Variants in ESR1 observed in about 807,000 individuals in gnomAD.
ESR1 encodes the protein estrogen receptor.
In ESR1, 12 loss-of-function variants were observed where a neutral mutation model predicts 52.7. The observed-to-expected ratio is 0.23, with a 90% CI of 0.15 to 0.37. ESR1 has a LOEUF of 0.37. ESR1 is among the 10% of genes least tolerant of loss of function. ESR1 has a pLI of 1.00. For synonymous variants in ESR1, 305 were observed against 316.8 expected (o/e 0.96, Z 0.39); for missense variants, 584 against 779.7 (o/e 0.75, Z 2.99).
At chr6:152,040,220 C>A (rs1407151169) in intron 5 of ESR1, among the ~76,000 whole-genome samples, 2 of 152,142 alleles carry the variant, frequency 1.3e-5, no homozygotes. Context: ...AGCCTTGGTA[C>A]GTGGAAGTCC....
chr6:151,802,375 C>T (rs1028559537), upstream of ESR1, among the ~76,000 whole-genome samples: 4 of 152,114 alleles, frequency 2.6e-5, no homozygotes, highest in South Asian at 2.1e-4. Flanking sequence ...TAAGTTTGAA[C>T]ACAGACAAAC....
At chr6:151,804,042 C>T (rs1348949303), upstream of ESR1, among the ~76,000 whole-genome samples, 3 of 151,826 alleles carry the variant, frequency 2.0e-5, no homozygotes, top group African/African-American at 4.8e-5. Flanking sequence ...ACGGCTGGAA[C>T]GTGTGTGTCC....
intron 1 of ESR1, among the ~76,000 whole-genome samples, chr6:151,684,103 A>G (rs1280405957): frequency 6.6e-6 from 1 of 152,088 alleles, no homozygotes; most frequent in Non-Finnish European, 1.5e-5. Context: ...GAGATGCTTC[A>G]GTAGTGCTTG....
chr6:151,809,093 A>T (rs771200729), intron 1 of ESR1: 1 of 359,794 alleles, frequency 2.8e-6, no homozygotes. Context: ...AACAAGCCAT[A>T]TGGAAGCACA....
rs528915480 is a variant in ESR1 at position 151,684,013 on chromosome 6, C to T, written n.74-17862C>T. On this transcript the variant is annotated intron_variant and non_coding_transcript_variant, in intron 1 of 2. Coordinates refer to the ESR1 transcript ENST00000473497. ...AGGCGTGAGCCACCACACCTGGCTA[C>T]GTGTCATACAATTCATTTGTCTCCC... 3.3e-5 allele frequency among the ~76,000 whole-genome samples: 5 copies of T among 152,040 alleles called. No individual in the cohort carries two copies. In the South Asian group the frequency reaches 6.2e-4, roughly 19 times the overall value.
At chr6:151,751,877 G>T (rs575451254) in intron 2 of ESR1, among the ~76,000 whole-genome samples, 1 of 152,194 alleles carries the variant, frequency 6.6e-6, no homozygotes, top group African/African-American at 2.4e-5. Context: ...TGGTTACAGG[G>T]CTCAAAACAA....
intron 1 of ESR1, among the ~76,000 whole-genome samples, chr6:151,840,812 A>G (rs1275498834): frequency 6.6e-6 from 1 of 152,194 alleles, no homozygotes; most frequent in Non-Finnish European, 1.5e-5. Context: ...CACTCCATCT[A>G]TACTTTCAAT....
chr6:151,925,168 C>G (rs2032490538), intron 3 of ESR1, among the ~76,000 whole-genome samples: 1 of 139,232 alleles, frequency 7.2e-6, no homozygotes, highest in African/African-American at 3.1e-5. Flanking sequence ...TAATAATAGC[C>G]ATTCTGACTG....
chr6:152,037,690 G>A (rs2045428337), intron 5 of ESR1, among the ~76,000 whole-genome samples: 1 of 152,120 alleles, frequency 6.6e-6, no homozygotes, highest in Non-Finnish European at 1.5e-5. Flanking sequence ...ATTATCCCTA[G>A]AACAGCTTTT....
At chr6:152,038,346 A>T (rs2045494638) in intron 5 of ESR1, among the ~76,000 whole-genome samples, 1 of 152,146 alleles carries the variant, frequency 6.6e-6, no homozygotes, top group Admixed American at 6.6e-5. Context: ...ACAAATGTTA[A>T]TCTTCTTTGG....
At chr6:151,781,830 G>A (rs75602235) in intron 2 of ESR1, among the ~76,000 whole-genome samples, 4 of 152,018 alleles carry the variant, frequency 2.6e-5, no homozygotes, top group Admixed American at 6.5e-5. Context: ...TTTCAGCATA[G>A]GCTATATTTT....
chr6:151,777,284 A>T (rs909429667), intron 2 of ESR1, among the ~76,000 whole-genome samples: 1 of 151,364 alleles, frequency 6.6e-6, no homozygotes, highest in Non-Finnish European at 1.5e-5. Flanking sequence ...AGCCTGGCTA[A>T]TTTTTTGTAT....
intron 4 of ESR1, among the ~76,000 whole-genome samples, chr6:151,976,716 A>G (rs576675276): frequency 6.6e-5 from 10 of 152,322 alleles, no homozygotes; most frequent in South Asian, 6.2e-4. Context: ...TAGAGATTAA[A>G]TGATGTTTAT....
intron 3 of ESR1, among the ~76,000 whole-genome samples, chr6:151,903,296 T>C (rs1392558682): frequency 1.3e-5 from 2 of 152,232 alleles, no homozygotes; most frequent in Admixed American, 6.5e-5. Flanking sequence ...GGTGAGCTGC[T>C]GTCTCAGCTC....
chr6:151,950,115 G>T (rs916451202), intron 4 of ESR1, among the ~76,000 whole-genome samples: 3 of 152,210 alleles, frequency 2.0e-5, no homozygotes, highest in African/African-American at 7.2e-5. Context: ...GCCACCATGT[G>T]AGATGTGCCT....
intron 1 of ESR1, among the ~76,000 whole-genome samples, chr6:151,815,726 C>T (rs1275100802): frequency 6.6e-6 from 1 of 152,188 alleles, no homozygotes; most frequent in Non-Finnish European, 1.5e-5. Context: ...ACCTTCGAGT[C>T]AACACTCACG....
At chr6:151,686,222 G>A (rs941284068), upstream of ESR1, among the ~76,000 whole-genome samples, 4 of 152,032 alleles carry the variant, frequency 2.6e-5, no homozygotes, top group African/African-American at 9.7e-5. Context: ...AAAATTTGAA[G>A]AAAGAGACTA....
rs565582246 is a variant in ESR1, at chr6:151,994,777, C to G, written c.1097-16879C>G. Among the ~76,000 whole-genome samples, 18 of 152,108 alleles carry G rather than the reference C, an allele frequency of 1.2e-4. No individual in the cohort carries two copies. In the South Asian group the frequency reaches 3.7e-3, roughly 32 times the overall value. ...CCTATAAATCTCATTTTAAAAATATCAGGAAATAGATGCTCATTGATAAAG... is the reference window on the plus strand; with the variant it reads ...CCTATAAATCTCATTTTAAAAATATGAGGAAATAGATGCTCATTGATAAAG... On this transcript the variant is annotated intron_variant, in intron 4 of 7. Coordinates refer to ENST00000206249, the MANE Select transcript of ESR1 (RefSeq NM_000125.4).
chr6:151,925,603 A>G (rs1485879595), intron 3 of ESR1, among the ~76,000 whole-genome samples: 1 of 152,156 alleles, frequency 6.6e-6, no homozygotes, highest in African/African-American at 2.4e-5. Flanking sequence ...ATGAAACTCC[A>G]TCTCAAAATA....
Sources: allele counts gnomAD v4.1 joint callset (sites outside exome capture counted in the v4.1 genomes callset), GRCh38; gene constraint gnomAD v4.1.1; transcripts MANE v1.5; gene names NCBI Gene and HGNC (gene_info 2026-07-23, HGNC 2026-07-21).